The following GBF1 variants were observed in gnomAD, a reference collection of about 807,000 sequenced individuals.
The protein encoded by GBF1 is golgi brefeldin A resistant guanine nucleotide exchange factor 1, also known as Golgi-specific brefeldin A-resistance guanine nucleotide exchange factor 1.
In GBF1, 114 loss-of-function variants were observed where a neutral mutation model predicts 210.5. The ratio of observed to expected loss-of-function variants is 0.54; its 90% CI spans 0.47 to 0.63. GBF1 has a LOEUF of 0.63. Ranked by LOEUF, GBF1 falls within the 30% of genes least tolerant of loss-of-function variation. GBF1 has a pLI of 0.00. For missense variants in GBF1, 1,851 were observed against 2,357.7 expected (o/e 0.79, Z 4.45); for synonymous variants, 850 against 889.2 (o/e 0.96, Z 0.78).
chr10:102,366,178 G>A lies in GBF1; in HGVS notation c.2310-205G>A, dbSNP rs2135143743. 6.6e-6 allele frequency among the ~76,000 whole-genome samples: 1 copy of A among 152,300 alleles called. No individual in the cohort carries two copies. The highest frequency in any genetic ancestry group is 2.1e-4 in the South Asian group (1 of 4,822). On this transcript the variant is annotated intron_variant, in intron 18 of 39. Transcript: ENST00000369983. This position sits in a 1 kb window ranked among gnomAD's most constrained non-coding sequence, Gnocchi z 4.0. ...AAGGGGTAGAGCAGGGTTCCAGGGGGTGAGGGTTCTAGGCAAGAGTCCGTG... is the reference window on the plus strand; with the variant it reads ...AAGGGGTAGAGCAGGGTTCCAGGGGATGAGGGTTCTAGGCAAGAGTCCGTG...
chr10:102,371,314 A>C (rs2060194152), intron 29 of GBF1, among the ~76,000 whole-genome samples: 1 of 152,262 alleles, frequency 6.6e-6, no homozygotes, highest in African/African-American at 2.4e-5. Flanking sequence ...TTTAAAATAC[A>C]ATACCATTTA....
chr10:102,248,595 G>A (rs1246748250), intron 1 of GBF1, among the ~76,000 whole-genome samples: 10 of 151,902 alleles, frequency 6.6e-5, no homozygotes, highest in Admixed American at 6.6e-4. Context: ...GGACTGTTGT[G>A]TACTGGACAA....
chr10:102,230,759 G>A, the GBF1 span: 1 of 1,492,484 alleles, frequency 6.7e-7, no homozygotes, highest in South Asian at 1.3e-5. Flanking sequence ...AGCCCGGGGG[G>A]GCCCCCGCCC....
chr10:102,349,349 A>G (rs1977720), intron 4 of GBF1, among the ~76,000 whole-genome samples: 46,009 of 151,834 alleles, frequency 0.3, 7,854 homozygotes, highest in African/African-American at 0.46. Flanking sequence ...CCTGGCCAAC[A>G]TGGTGAAACC....
rs762252696 is a variant in GBF1, at chr10:102,353,667, A to G, written c.639+13A>G. ...CAACATGAAGAAGGTATGATCTGAGAGCTGATCTGCTGTCCCTCATCCAAA... is the reference window on the plus strand; with the variant it reads ...CAACATGAAGAAGGTATGATCTGAGGGCTGATCTGCTGTCCCTCATCCAAA... On this transcript the variant is annotated intron_variant, in intron 8 of 39. Transcript: ENST00000369983. 1 of 1,595,648 alleles carries G rather than the reference A, an allele frequency of 6.3e-7. No individual in the cohort carries two copies. Among genetic ancestry groups the G allele is most frequent in the Admixed American group, 1.7e-5 (1 of 59,988 alleles).
chr10:102,249,700 T>TC (rs2071262021), intron 1 of GBF1, among the ~76,000 whole-genome samples: 1 of 151,892 alleles, frequency 6.6e-6, no homozygotes, highest in Non-Finnish European at 1.5e-5. Flanking sequence ...GGCTTTTTTT[T>TC]TTTTTTTCTC....
intron 20 of GBF1, 133 bp downstream of exon 20, chr10:102,367,343 GA>G: frequency 8.5e-7 from 1 of 1,177,440 alleles, no homozygotes. Context: ...GGCCAACCTA[GA>G]AAAGGGACTG....
intron 2 of GBF1, 32 bp from the exon 3 acceptor site, chr10:102,260,018 T>A (rs1363058247): frequency 1.0e-5 from 13 of 1,270,410 alleles, no homozygotes; most frequent in East Asian, 4.6e-5. Context: ...TTTGGCCCAA[T>A]AATGACTTAC....
rs756705596 is a variant in GBF1, at chr10:102,368,298, G to A, written c.2723G>A (p.Gly908Asp). Residue 908 changes from glycine to aspartate, a missense_variant, in exon 22 of 40, where the codon GGT becomes GAT. By Grantham distance (94) the Gly-to-Asp change is moderately conservative. Transcript: ENST00000369983. ...NYVWNVLLHR[G>D]ATPEGIFLRV... Reference sequence around the variant, plus strand: ...GTGTGGAATGTGCTGCTTCATCGAGGTGCCACCCCTGAGGGCATATTCCTG... The same window carrying A: ...GTGTGGAATGTGCTGCTTCATCGAGATGCCACCCCTGAGGGCATATTCCTG... 7.4e-6 allele frequency: 12 copies of A among 1,613,956 alleles called. No individual in the cohort carries two copies. The highest frequency in any genetic ancestry group is 9.3e-6 in the Non-Finnish European group (11 of 1,179,924).
chr10:102,311,480 C>T (rs2078426832), intron 3 of GBF1, among the ~76,000 whole-genome samples: 1 of 152,250 alleles, frequency 6.6e-6, no homozygotes, highest in Non-Finnish European at 1.5e-5. Flanking sequence ...AAAGTTGCTA[C>T]ACATTCCCAT....
At chr10:102,248,506 C>G (rs78218800) in intron 1 of GBF1, among the ~76,000 whole-genome samples, 2 of 151,956 alleles carry the variant, frequency 1.3e-5, no homozygotes, top group Non-Finnish European at 1.5e-5. Flanking sequence ...CCAGGGGTTA[C>G]GAGCTCATGT....
At chr10:102,362,693 C>G in intron 15 of GBF1, 29 bp downstream of exon 15, 1 of 1,559,942 alleles carries the variant, frequency 6.4e-7, no homozygotes, top group Non-Finnish European at 8.8e-7. Context: ...TTTGATGAAC[C>G]CAGTGTTCTA....
chr10:102,294,073 C>CG (rs2076709984), intron 3 of GBF1, among the ~76,000 whole-genome samples: 1 of 151,484 alleles, frequency 6.6e-6, no homozygotes, highest in African/African-American at 2.4e-5. Flanking sequence ...CCACCATGCC[C>CG]GGGCTGTAGT....
chr10:102,359,674 A>G (rs1167968992), intron 11 of GBF1, among the ~76,000 whole-genome samples: 1 of 152,082 alleles, frequency 6.6e-6, no homozygotes, highest in African/African-American at 2.4e-5. Context: ...GGAAGGGAAA[A>G]AAGCTTAGGA....
intron 28 of GBF1, 67 bp from the exon 29 acceptor site, chr10:102,370,640 C>A (rs2060155168): frequency 6.6e-7 from 1 of 1,517,606 alleles, no homozygotes; most frequent in Non-Finnish European, 9.1e-7. Context: ...TCCTGAAAGG[C>A]CTAGGGGACC....
upstream of GBF1, among the ~76,000 whole-genome samples, chr10:102,242,648 G>A (rs1278938575): frequency 6.6e-6 from 1 of 151,804 alleles, no homozygotes; most frequent in Non-Finnish European, 1.5e-5. Flanking sequence ...CTAAGCCCAG[G>A]CCAAACACTG....
chr10:102,271,515 T>G (rs1264355290), intron 3 of GBF1, among the ~76,000 whole-genome samples: 1 of 87,054 alleles, frequency 1.1e-5, no homozygotes, highest in Non-Finnish European at 2.6e-5. Context: ...TTTCTCCACC[T>G]TTTTTTTTTT....
At position 102,377,115 on chromosome 10, in the gene GBF1, C is replaced by G; in HGVS notation, c.4469C>G (p.Thr1490Arg). ...EDEGVPASYH[T>R]VSLQVSQDLL... ...GAAGGCGTGCCTGCCAGCTACCATA[C>G]GGTGTCTTTACAGGTCAGTCAGGAC... Residue 1490 changes from threonine (T) to arginine (R), a missense_variant, in exon 33 of 40, where the codon ACG (threonine) becomes AGG (arginine). Physicochemically the swap from Thr to Arg is moderately conservative, Grantham distance 71 (BLOSUM62 -1). This residue lies in a region of GBF1 where 967 missense variants were observed against 1,247.7 expected (regional missense o/e 0.78). Coordinates refer to ENST00000369983, the MANE Select transcript of GBF1 (RefSeq NM_001377137.1). The G allele has an allele frequency of 1.2e-6, 2 of 1,613,920 alleles. No individual in the cohort carries two copies. The highest frequency in any genetic ancestry group is 1.7e-6 in the Non-Finnish European group (2 of 1,179,846).
In GBF1 at chr10:102,362,582, C is replaced by G; in HGVS notation, c.1794C>G (p.Leu598=). The part of the protein sequence containing the change: ...STEAHCQAKV[L]NSLTQQEKKE... ...AGGCCCACTGCCAGGCTAAAGTCCT[C>G]AACAGCCTCACCCAGCAAGAGAAGA... Residue 598 remains leucine (L), a synonymous_variant, in exon 15 of 40, where the codon CTC becomes CTG. Transcript: ENST00000369983. 1 of 1,614,174 alleles carries G rather than the reference C, an allele frequency of 6.2e-7. No individual in the cohort carries two copies. The highest frequency in any genetic ancestry group is 8.5e-7 in the Non-Finnish European group (1 of 1,180,000).
Sources: allele counts gnomAD v4.1 joint callset (sites outside exome capture counted in the v4.1 genomes callset), GRCh38; gene constraint gnomAD v4.1.1; regional missense constraint gnomAD v4.1.1; non-coding constraint Gnocchi (gnomAD v3.1); transcripts MANE v1.5; gene names NCBI Gene and HGNC (gene_info 2026-07-23, HGNC 2026-07-21).